The following NADSYN1 variants were observed in gnomAD, a reference collection of about 807,000 sequenced individuals.
The protein encoded by NADSYN1 is glutamine-dependent NAD(+) synthetase.
NADSYN1 carries 80 observed loss-of-function variants against 99.3 expected under a neutral mutation model. The observed-to-expected ratio is 0.81, with a 90% CI of 0.67 to 0.97. The LOEUF (loss-of-function observed/expected upper bound fraction) is 0.97, where lower values mean the gene tolerates loss of function less well. NADSYN1 is among the 50% of genes least tolerant of loss of function. The probability of loss-of-function intolerance (pLI) is 0.00; values close to 1 mark genes in which losing one functional copy is unlikely to be tolerated. For synonymous variants in NADSYN1, 385 were observed against 372.1 expected (o/e 1.03, Z -0.40); for missense variants, 859 against 948.5 (o/e 0.91, Z 1.24).
intron 3 of NADSYN1, 120 bp from the exon 4 acceptor site, chr11:71,463,312 G>A (rs1044604835): frequency 3.4e-6 from 3 of 877,142 alleles, no homozygotes; most frequent in African/African-American, 1.7e-5. Context: ...TCTCCGAAGG[G>A]ATCGGAGGAA....
intron 9 of NADSYN1, chr11:71,477,439 G>A (rs1035934595): frequency 3.9e-6 from 5 of 1,289,564 alleles, no homozygotes; most frequent in Admixed American, 2.3e-5. Flanking sequence ...CTCCGGCCAG[G>A]TATGGCCCCC....
chr11:71,464,444 T>G, intron 5 of NADSYN1: 1 of 279,540 alleles, frequency 3.6e-6, no homozygotes, highest in South Asian at 6.0e-5. Flanking sequence ...GGTTACTTGG[T>G]GTGAGCCCCA....
At chr11:71,487,884 A>G (rs1193752963) in intron 16 of NADSYN1, among the ~76,000 whole-genome samples, 2 of 151,958 alleles carry the variant, frequency 1.3e-5, no homozygotes, top group African/African-American at 4.8e-5. Flanking sequence ...CGTAAACGTA[A>G]TCCCTCAGCT....
At chr11:71,478,061 A>G (rs746232297) in intron 9 of NADSYN1, among the ~76,000 whole-genome samples, 5 of 151,800 alleles carry the variant, frequency 3.3e-5, no homozygotes, top group Admixed American at 6.6e-5. Flanking sequence ...GGGGTGTCTT[A>G]CTGACATGGG....
At chr11:71,495,012 A>G (rs909618179) in intron 18 of NADSYN1, among the ~76,000 whole-genome samples, 6 of 147,920 alleles carry the variant, frequency 4.1e-5, no homozygotes, top group African/African-American at 1.5e-4. Flanking sequence ...GATTTTCTCT[A>G]TTGTCTTTCA....
chr11:71,474,540 C>G lies in NADSYN1; in HGVS notation c.798+14C>G. On this transcript the variant is annotated intron_variant, in intron 9 of 20. Coordinates refer to ENST00000319023, the MANE Select transcript of NADSYN1 (RefSeq NM_018161.5). Reference sequence around the variant, plus strand: ...CTGGATGACGTGGTAATGAGCGGGCCTGGACATGCCTGGGGGAGGGTTCTC... The same window carrying G: ...CTGGATGACGTGGTAATGAGCGGGCGTGGACATGCCTGGGGGAGGGTTCTC... 1 of 1,613,940 alleles carries G rather than the reference C, an allele frequency of 6.2e-7. No homozygotes were observed. Among genetic ancestry groups the G allele is most frequent in the Non-Finnish European group, 8.5e-7 (1 of 1,179,864 alleles).
chr11:71,486,018 G>A (rs759632649), intron 16 of NADSYN1, among the ~76,000 whole-genome samples: 3 of 152,094 alleles, frequency 2.0e-5, no homozygotes, highest in Admixed American at 6.5e-5. Context: ...CATTTTTTAT[G>A]TGGACTGAAA....
Position 71,501,534 on chromosome 11 carries a change from A to G in NADSYN1, c.*182A>G, listed in dbSNP as rs1949857734. 1 of 593,770 alleles carries G rather than the reference A, an allele frequency of 1.7e-6. No individual in the cohort carries two copies. The highest frequency in any genetic ancestry group is 3.0e-5 in the East Asian group (1 of 33,746). The allele number at this position is 593,770 out of a possible 1,614,324, so 36.8% of individuals were successfully genotyped here. A position where few individuals can be genotyped will look rare whatever the true frequency, so the allele number is the denominator to read the frequency against. On this transcript the variant is annotated 3_prime_UTR_variant, in exon 21 of 21. Transcript: ENST00000319023. ...AGAGGCTGGAATAAAGCCTGGGCTT[A>G]AAAAGAGGCTGGAATCCAATGCACA... is the stretch of plus-strand genomic sequence containing the variant.
Position 71,482,899 on chromosome 11 carries a change from AC to A in NADSYN1, c.1207del (p.Gln403ArgfsTer11). 3 of 1,612,834 alleles carry A rather than the reference AC, an allele frequency of 1.9e-6. No homozygotes were observed. Among genetic ancestry groups the A allele is most frequent in the Non-Finnish European group, 2.5e-6 (3 of 1,179,506 alleles). On this transcript the variant is annotated frameshift_variant, in exon 14 of 21. Coordinates refer to ENST00000319023, the MANE Select transcript of NADSYN1 (RefSeq NM_018161.5). LOFTEE classifies it high-confidence loss of function. Reference protein sequence around the residue: ...VRTIVNQISYTPQDPRDLCGR... With the variant: ...VRTIVNQISYXPQDPRDLCGR... The stretch of plus-strand genomic sequence containing the variant: ...CACCATCGTGAACCAGATCAGCTAC[AC>A]CCCCCAGGATCCCCGAGACCTCTGT...
intron 9 of NADSYN1, chr11:71,475,621 A>G (rs1949659959): frequency 5.2e-6 from 1 of 191,160 alleles, no homozygotes; most frequent in African/African-American, 2.4e-5. Flanking sequence ...AAGGCTTCCC[A>G]GGTAATCGTT....
chr11:71,458,953 A>G (rs1949530939), intron 3 of NADSYN1: 1 of 207,892 alleles, frequency 4.8e-6, no homozygotes, highest in South Asian at 6.8e-5. Context: ...AGGCCTCTGC[A>G]TGCTCCATGC....
At chr11:71,463,795 G>A (rs1223220981) in intron 4 of NADSYN1, among the ~76,000 whole-genome samples, 2 of 152,182 alleles carry the variant, frequency 1.3e-5, no homozygotes, top group Admixed American at 1.3e-4. Context: ...CCCTTGGAGC[G>A]CCTGGTCACC....
At chr11:71,453,467 G>A in intron 1 of NADSYN1, 86 bp downstream of exon 1, 1 of 1,269,462 alleles carries the variant, frequency 7.9e-7, no homozygotes, top group Non-Finnish European at 1.1e-6. Flanking sequence ...CGTGCTCACA[G>A]CCTTGCCCTG....
At chr11:71,472,406 C>G (rs879056539) in intron 5 of NADSYN1, 43 bp from the exon 6 acceptor site, 2 of 1,498,628 alleles carry the variant, frequency 1.3e-6, no homozygotes, top group South Asian at 1.1e-5. Flanking sequence ...CCTCATTTGT[C>G]CTGAGATGCT....
At chr11:71,498,660 G>A (rs1949837105) in intron 20 of NADSYN1, 132 bp downstream of exon 20, 2 of 980,570 alleles carry the variant, frequency 2.0e-6, no homozygotes, top group Non-Finnish European at 1.5e-6. Flanking sequence ...TTCTGCAAAG[G>A]GACAAGTATG....
At chr11:71,477,217 G>A (rs906094306) in intron 9 of NADSYN1, 79 of 1,187,684 alleles carry the variant, frequency 6.7e-5, no homozygotes, top group Non-Finnish European at 7.6e-5. Flanking sequence ...TCAGGCCGCC[G>A]TGCGGCAGGC....
rs749801544 is a variant in NADSYN1 at position 71,469,927 on chromosome 11, G to GAAAAAAAAAAA, written c.408-2515_408-2505dup. Among the ~76,000 whole-genome samples the GAAAAAAAAAAA allele has an allele frequency of 7.1e-4, 78 of 109,144 alleles. 5 individuals carry two copies. The highest frequency in any genetic ancestry group is 2.8e-3 in the East Asian group (10 of 3,584). 71.6% of individuals were successfully genotyped at this position (109,144 alleles called of 152,430 possible). On this transcript the variant is annotated intron_variant, in intron 5 of 20. Coordinates refer to ENST00000319023, the MANE Select transcript of NADSYN1 (RefSeq NM_018161.5). ...GAAGACAGAACAAGAGCCTGTCTCAGAAAAAAAAAAAAAAAAAGACGTGTG... is the reference window on the plus strand; with the variant it reads ...GAAGACAGAACAAGAGCCTGTCTCAGAAAAAAAAAAAAAAAAAAAAAAAAAAAAGACGTGTG...
At chr11:71,487,543 A>G (rs1301400666) in intron 16 of NADSYN1, among the ~76,000 whole-genome samples, 1 of 152,162 alleles carries the variant, frequency 6.6e-6, no homozygotes, top group Non-Finnish European at 1.5e-5. Flanking sequence ...TAGAAAATAA[A>G]CAAACGGGCT....
chr11:71,500,382 A>ACCC (rs11451410), intron 20 of NADSYN1, among the ~76,000 whole-genome samples: 5 of 151,974 alleles, frequency 3.3e-5, no homozygotes, highest in South Asian at 2.1e-4. Flanking sequence ...GGGACCGTTG[A>ACCC]CCCCCCGAGG....
Sources: allele counts gnomAD v4.1 joint callset (sites outside exome capture counted in the v4.1 genomes callset), GRCh38; gene constraint gnomAD v4.1.1; transcripts MANE v1.5; gene names NCBI Gene and HGNC (gene_info 2026-07-23, HGNC 2026-07-21).